SNX11: variants seen among roughly 807,000 people sequenced by gnomAD.
SNX11 encodes the protein sorting nexin-11.
A neutral mutation model predicts 30.7 loss-of-function variants in SNX11; 19 were observed. The observed-to-expected ratio is 0.62, with a 90% confidence interval of 0.43 to 0.91. The LOEUF is 0.91. Among genes scored for constraint, SNX11 ranks in the 40% least tolerant of loss-of-function variants. SNX11 has a pLI of 0.00. For synonymous variants in SNX11, 112 were observed against 119.0 expected (o/e 0.94, Z 0.38); for missense variants, 302 against 326.7 (o/e 0.92, Z 0.58).
chr17:48,119,088 G>A lies in SNX11; in HGVS notation c.441G>A (p.Val147=), dbSNP rs2063574208. Residue 147 remains valine, a synonymous_variant, in exon 6 of 7, where the codon GTG becomes GTA. Coordinates refer to ENST00000359238, the MANE Select transcript of SNX11 (RefSeq NM_013323.3). Reference sequence around the variant, plus strand: ...TCCAGGGCCGAAGTACCATGACTGTGTCTGATGCCATTCTTCGATATGCTA... The same window carrying A: ...TCCAGGGCCGAAGTACCATGACTGTATCTGATGCCATTCTTCGATATGCTA... ...ACVQGRSTMT[V]SDAILRYAMS... 2 of 1,614,140 alleles carry A rather than the reference G, an allele frequency of 1.2e-6. No homozygotes were observed. Among genetic ancestry groups the A allele is most frequent in the Non-Finnish European group, 8.5e-7 (1 of 1,180,028 alleles).
intron 4 of SNX11, among the ~76,000 whole-genome samples, chr17:48,113,810 A>T (rs1232665258): frequency 6.6e-6 from 1 of 150,472 alleles, no homozygotes; most frequent in Non-Finnish European, 1.5e-5. Context: ...GGCCTTCCAA[A>T]TTGTTGGGAT....
intron 4 of SNX11, among the ~76,000 whole-genome samples, chr17:48,114,540 C>T (rs1237393982): frequency 3.3e-5 from 5 of 150,640 alleles, no homozygotes; most frequent in Non-Finnish European, 5.9e-5. Context: ...TTACTGCAAC[C>T]TCCGCCTCCC....
intron 4 of SNX11, among the ~76,000 whole-genome samples, chr17:48,116,217 C>T (rs748290634): frequency 2.0e-5 from 3 of 152,102 alleles, no homozygotes; most frequent in African/African-American, 4.8e-5. Flanking sequence ...GAGATTGTGC[C>T]ACTGCACTCC....
intron 4 of SNX11, among the ~76,000 whole-genome samples, chr17:48,113,737 G>A (rs1415328662): frequency 6.6e-6 from 1 of 151,804 alleles, no homozygotes; most frequent in Non-Finnish European, 1.5e-5. Flanking sequence ...TTGTAGAGAT[G>A]GAGGTCTCCC....
intron 1 of SNX11, 96 bp from the exon 2 acceptor site, chr17:48,111,935 G>T (rs189578068): frequency 1.1e-6 from 1 of 932,180 alleles, no homozygotes; most frequent in Non-Finnish European, 1.7e-6. Flanking sequence ...GTTTCCCCAC[G>T]GGGGTCTATT....
At chr17:48,110,135 A>T (rs1022828875) in intron 1 of SNX11, among the ~76,000 whole-genome samples, 1 of 152,172 alleles carries the variant, frequency 6.6e-6, no homozygotes, top group Admixed American at 6.5e-5. Flanking sequence ...AGAAAAAAAA[A>T]ACTTAAGGAG....
intron 4 of SNX11, among the ~76,000 whole-genome samples, chr17:48,115,461 TTTTC>T (rs2063536218): frequency 6.6e-6 from 1 of 152,198 alleles, no homozygotes; most frequent in African/African-American, 2.4e-5. Context: ...TCAAAAATAT[TTTTC>T]TTTCTTTATA....
rs751981714 is a variant in SNX11, at chr17:48,119,173, G to T, written c.526G>T (p.Asp176Tyr). 1.2e-6 allele frequency: 2 copies of T among 1,613,804 alleles called. No individual in the cohort carries two copies. Among genetic ancestry groups the T allele is most frequent in the South Asian group, 2.2e-5 (2 of 91,038 alleles). ...GAGCTCTTCTCACCTGGCTAAAGGA[G>T]ACCAGCCTAAGAGGTAACTGGAGTA... is the stretch of plus-strand genomic sequence containing the variant. Reference protein sequence around the residue: ...RQSSSHLAKGDQPKSCCFLPR... With the variant: ...RQSSSHLAKGYQPKSCCFLPR... Residue 176 changes from aspartate to tyrosine, a missense_variant, in exon 6 of 7, where the codon GAC (aspartate) becomes TAC (tyrosine). Transcript: ENST00000359238.
chr17:48,118,135 T>G lies in SNX11; in HGVS notation c.231-569T>G, dbSNP rs2063563681. 7.9e-5 allele frequency among the ~76,000 whole-genome samples: 12 copies of G among 152,338 alleles called. No individual in the cohort carries two copies. The South Asian group carries it at 2.5e-3, about 32-fold the overall frequency. On this transcript the variant is annotated intron_variant, in intron 4 of 6. Transcript: ENST00000359238. ...TTGCTGCTTATTAGCTGTGTAACAG[T>G]GAGACATTTACTTAACTTCTCTGAT... is the stretch of plus-strand genomic sequence containing the variant.
At chr17:48,109,874 C>T (rs2063474021) in intron 1 of SNX11, among the ~76,000 whole-genome samples, 1 of 152,154 alleles carries the variant, frequency 6.6e-6, no homozygotes, top group South Asian at 2.1e-4. Context: ...AGAATTTCTT[C>T]ATGAAGGTAG....
rs568190604 is a variant in SNX11, at chr17:48,111,934, C to T, written c.-13-97C>T. 52 of 929,444 alleles carry T rather than the reference C, an allele frequency of 5.6e-5. 1 individual carries two copies. Among genetic ancestry groups the T allele is most frequent in the African/African-American group, 4.4e-4 (27 of 60,898 alleles). The allele number at this position is 929,444 out of a possible 1,614,324, so 57.6% of individuals were successfully genotyped here. ...AAAAAGTGTTGCCTGGGTTTCCCCA[C>T]GGGGGTCTATTAAAAACTTTCGGGG... On this transcript the variant is annotated intron_variant, in intron 1 of 6. Coordinates refer to ENST00000359238, the MANE Select transcript of SNX11 (RefSeq NM_013323.3).
intron 4 of SNX11, chr17:48,113,618 T>C (rs2063513645): frequency 2.4e-6 from 1 of 421,700 alleles, no homozygotes; most frequent in African/African-American, 2.1e-5. Flanking sequence ...CAATCATGGC[T>C]CACTGCAGCC....
rs150874318 is a variant in SNX11, at chr17:48,119,416, A to G, written c.539+230A>G. Among the ~76,000 whole-genome samples, 51 of 152,190 alleles carry G rather than the reference A, an allele frequency of 3.4e-4. No individual in the cohort carries two copies. In the East Asian group the frequency reaches 9.5e-3, roughly 28 times the overall value. On this transcript the variant is annotated intron_variant, in intron 6 of 6. Transcript: ENST00000359238. Reference sequence around the variant, plus strand: ...GAAAGAAGGGAAAGCTTTCTCATTTATTCGGTTTTTTATTCCTCCTCCCTC... The same window carrying G: ...GAAAGAAGGGAAAGCTTTCTCATTTGTTCGGTTTTTTATTCCTCCTCCCTC...
chr17:48,114,838 T>C (rs1462790082), intron 4 of SNX11, among the ~76,000 whole-genome samples: 2 of 150,630 alleles, frequency 1.3e-5, no homozygotes, highest in African/African-American at 4.9e-5. Context: ...GCTGACTATT[T>C]TGTATTTTAG....
rs181117828 is a variant in SNX11, at chr17:48,121,492, C to G, written c.797C>G (p.Thr266Arg). Residue 266 changes from threonine to arginine, a missense_variant, in exon 7 of 7, where the codon ACA (threonine) becomes AGA (arginine). Thr to Arg is a moderately conservative substitution (Grantham distance 71, BLOSUM62 -1). Transcript: ENST00000359238. Reference protein sequence around the residue: ...AVPLDPGQLETVLEK With the variant: ...AVPLDPGQLERVLEK ...CCTTTGGACCCTGGTCAGTTAGAAA[C>G]AGTTTTGGAAAAGTGAGCTCTGGGT... 5.0e-5 allele frequency: 81 copies of G among 1,613,550 alleles called. No homozygotes were observed. In the African/African-American group the frequency reaches 9.7e-4, roughly 19 times the overall value.
At position 48,123,522 on chromosome 17, in the gene SNX11, C is replaced by T. The variant is rs958622455; in HGVS notation, c.*2014C>T. Among the ~76,000 whole-genome samples the T allele has an allele frequency of 6.6e-6, 1 of 152,096 alleles. No individual in the cohort carries two copies. The highest frequency in any genetic ancestry group is 2.4e-5 in the African/African-American group (1 of 41,402). ...CTGCCAGCCGGCTAGGCTGCTGGGACAGCAGGAGCCATTCAAAGACATGGA... is the reference window on the plus strand; with the variant it reads ...CTGCCAGCCGGCTAGGCTGCTGGGATAGCAGGAGCCATTCAAAGACATGGA... On this transcript the variant is annotated 3_prime_UTR_variant, in exon 7 of 7. Coordinates refer to ENST00000359238, the MANE Select transcript of SNX11 (RefSeq NM_013323.3).
In SNX11 at chr17:48,121,662, AG is replaced by A. The variant is rs1598342454; in HGVS notation, c.*155del. On this transcript the variant is annotated 3_prime_UTR_variant, in exon 7 of 7. Transcript: ENST00000359238. ...CTGATTGACAGAGGTCAGTCATTACAGCCCCTTATGCCTCTTCCATGGGAAC... is the reference window on the plus strand; with the variant it reads ...CTGATTGACAGAGGTCAGTCATTACACCCCTTATGCCTCTTCCATGGGAAC... 12 of 708,998 alleles carry A rather than the reference AG, an allele frequency of 1.7e-5. No homozygotes were observed. In the East Asian group the frequency reaches 3.1e-4, roughly 18 times the overall value. The allele number at this position is 708,998 out of a possible 1,614,324, so 43.9% of individuals were successfully genotyped here. A position where few individuals can be genotyped will look rare whatever the true frequency, so the allele number is the denominator to read the frequency against.
Position 48,113,403 on chromosome 17 carries a change from T to A in SNX11, c.230+2T>A. The A allele has an allele frequency of 1.2e-6, 2 of 1,611,654 alleles. No individual in the cohort carries two copies. Among genetic ancestry groups the A allele is most frequent in the Non-Finnish European group, 1.7e-6 (2 of 1,177,938 alleles). On this transcript the variant is annotated splice_donor_variant, in intron 4 of 6. Transcript: ENST00000359238. LOFTEE classifies it high-confidence loss of function. ...GCTACAGAGAAATGCTGGTTTGGTG[T>A]GAGTTTGCTCTTGCTTCCTTCTTGG...
At chr17:48,118,842 G>A in intron 5 of SNX11, 43 bp downstream of exon 5, 1 of 1,582,912 alleles carries the variant, frequency 6.3e-7, no homozygotes, top group Non-Finnish European at 8.7e-7. Flanking sequence ...AAGGGTGGAG[G>A]CAGGGGTGGA....
Sources: gnomAD v4.1 joint callset for allele counts (sites outside exome capture counted in the v4.1 genomes callset) on GRCh38, gnomAD v4.1.1 for gene constraint, MANE v1.5 for transcripts, NCBI Gene and HGNC (gene_info 2026-07-23, HGNC 2026-07-21) for gene names.